Variants in PTPRT observed in about 807,000 individuals in gnomAD.
The protein encoded by PTPRT is receptor-type tyrosine-protein phosphatase T.
In PTPRT, 56 loss-of-function variants were observed where a neutral mutation model predicts 176.8. That is an observed-to-expected ratio of 0.32 (90% CI 0.26 to 0.40). The LOEUF is 0.40. Among genes scored for constraint, PTPRT ranks in the 10% least tolerant of loss-of-function variants. The pLI, the probability that PTPRT is intolerant of heterozygous loss-of-function variation, is 1.00. For synonymous variants in PTPRT, 783 were observed against 739.0 expected (o/e 1.06, Z -0.96); for missense variants, 1,540 against 1,908.2 (o/e 0.81, Z 3.60).
chr20:42,149,738 G>T (rs1192299066), intron 17 of PTPRT, among the ~76,000 whole-genome samples: 1 of 152,186 alleles, frequency 6.6e-6, no homozygotes, highest in Non-Finnish European at 1.5e-5. Flanking sequence ...AACTTTTTAA[G>T]AGGGGTAGGC....
At chr20:42,637,476 C>T (rs2074630968) in intron 7 of PTPRT, among the ~76,000 whole-genome samples, 1 of 152,180 alleles carries the variant, frequency 6.6e-6, no homozygotes, top group Non-Finnish European at 1.5e-5. Context: ...TGCTTGCTCC[C>T]TCAACCCAGA....
chr20:42,909,583 T>C lies in PTPRT; in HGVS notation c.89-23651A>G, dbSNP rs575805105. Among the ~76,000 whole-genome samples the C allele has an allele frequency of 5.3e-5, 8 of 152,308 alleles. 1 individual carries two copies. In the East Asian group the frequency reaches 5.8e-4, roughly 11 times the overall value. ...CAGGGCTTTGAAATTCTCCCACAGA[T>C]ACACAAGAGGGTGTGGCATGTGCCT... On this transcript the variant is annotated intron_variant, in intron 1 of 30. Coordinates refer to ENST00000373187, the MANE Select transcript of PTPRT (RefSeq NM_007050.6).
At position 42,402,863 on chromosome 20, in the gene PTPRT, C is replaced by T. The variant is rs183264310; in HGVS notation, c.1560+45357G>A. Among the ~76,000 whole-genome samples, 13 of 151,878 alleles carry T rather than the reference C, an allele frequency of 8.6e-5. No homozygotes were observed. The South Asian group carries it at 1.5e-3, about 17-fold the overall frequency. On this transcript the variant is annotated intron_variant, in intron 9 of 30. Transcript: ENST00000373187. ...ATGTGTGTGTGTGTGTATACACATG[C>T]GTGTGCTTGTATATGTTCATGCATG...
intron 1 of PTPRT, among the ~76,000 whole-genome samples, chr20:43,134,349 T>C (rs2013754033): frequency 6.6e-6 from 1 of 152,188 alleles, no homozygotes; most frequent in South Asian, 2.1e-4. Context: ...GAAAGAGTGC[T>C]GCTAGGTCAG....
At chr20:42,981,241 T>C (rs1004253377) in intron 1 of PTPRT, among the ~76,000 whole-genome samples, 2 of 152,238 alleles carry the variant, frequency 1.3e-5, no homozygotes, top group African/African-American at 2.4e-5. Flanking sequence ...TTCCTTGAAC[T>C]TCAGGGTCCC....
chr20:43,030,779 A>T (rs904032333), intron 1 of PTPRT, among the ~76,000 whole-genome samples: 2 of 152,072 alleles, frequency 1.3e-5, no homozygotes, highest in African/African-American at 4.8e-5. Context: ...TGGGTTTGGG[A>T]ATCACAAAAA....
intron 2 of PTPRT, among the ~76,000 whole-genome samples, chr20:42,823,492 T>C (rs528285527): frequency 2.6e-5 from 4 of 152,218 alleles, no homozygotes; most frequent in South Asian, 2.1e-4. Flanking sequence ...ATTGTGCACA[T>C]GTATCCCATT....
intron 7 of PTPRT, among the ~76,000 whole-genome samples, chr20:42,634,077 TA>T (rs2074533824): frequency 4.1e-5 from 2 of 48,408 alleles, no homozygotes; most frequent in African/African-American, 9.7e-5. Context: ...ATATATATAA[TA>T]TATATATAAT....
chr20:42,489,335 T>C (rs922242057), intron 7 of PTPRT, among the ~76,000 whole-genome samples: 5 of 152,024 alleles, frequency 3.3e-5, no homozygotes, highest in African/African-American at 1.2e-4. Context: ...TGAGAAGATA[T>C]CACCTGTCAC....
chr20:43,017,468 G>C (rs1026673143), intron 1 of PTPRT, among the ~76,000 whole-genome samples: 12 of 152,074 alleles, frequency 7.9e-5, no homozygotes, highest in African/African-American at 2.7e-4. Context: ...GTGTGTGTTT[G>C]CACACCTTGT....
At chr20:42,844,012 A>C (rs1374099135) in intron 2 of PTPRT, among the ~76,000 whole-genome samples, 2 of 152,226 alleles carry the variant, frequency 1.3e-5, no homozygotes, top group Non-Finnish European at 2.9e-5. Flanking sequence ...AATGAGAAAA[A>C]ACACAAAACT....
intron 15 of PTPRT, among the ~76,000 whole-genome samples, chr20:42,224,328 G>A (rs1417941315): frequency 6.6e-6 from 1 of 152,118 alleles, no homozygotes; most frequent in Non-Finnish European, 1.5e-5. Context: ...ATGTGCTCAG[G>A]GCATTTTTGC....
At chr20:42,182,851 T>C (rs1990576902) in intron 16 of PTPRT, among the ~76,000 whole-genome samples, 1 of 151,726 alleles carries the variant, frequency 6.6e-6, no homozygotes. Flanking sequence ...ATTGCTTCAT[T>C]ACAGAGAGTT....
chr20:43,021,810 G>GA (rs3092422), intron 1 of PTPRT, among the ~76,000 whole-genome samples: 5,789 of 142,682 alleles, frequency 0.041, 269 homozygotes, highest in African/African-American at 0.11. Flanking sequence ...GGAGATACAG[G>GA]AAAAAAAAAA....
At chr20:42,768,019 C>G (rs1384717966) in intron 5 of PTPRT, among the ~76,000 whole-genome samples, 1 of 149,746 alleles carries the variant, frequency 6.7e-6, no homozygotes, top group Non-Finnish European at 1.5e-5. Flanking sequence ...CACACACACA[C>G]ACACACTGCT....
intron 27 of PTPRT, among the ~76,000 whole-genome samples, chr20:42,090,366 A>G (rs569095972): frequency 2.8e-4 from 42 of 151,156 alleles, no homozygotes; most frequent in African/African-American, 9.0e-4. Flanking sequence ...CATCCTAGAT[A>G]TGGGATACTG....
chr20:42,547,703 A>G (rs1158387565), intron 7 of PTPRT, among the ~76,000 whole-genome samples: 3 of 152,042 alleles, frequency 2.0e-5, no homozygotes, highest in Non-Finnish European at 4.4e-5. Context: ...AAGAAAACAC[A>G]AAGGTCCCTA....
chr20:42,045,258 T>C, the PTPRT span, among the ~76,000 whole-genome samples: 1 of 151,442 alleles, frequency 6.6e-6, no homozygotes, highest in African/African-American at 2.4e-5. Flanking sequence ...ATAAAGGAGG[T>C]ACTATTAAAG....
chr20:42,080,791 G>T lies in PTPRT; in HGVS notation c.*88C>A. 7.4e-7 allele frequency: 1 copy of T among 1,358,318 alleles called. No homozygotes were observed. The highest frequency in any genetic ancestry group is 1.0e-6 in the Non-Finnish European group (1 of 956,478). The allele number at this position is 1,358,318 out of a possible 1,614,324, so 84.1% of individuals were successfully genotyped here. A position where few individuals can be genotyped will look rare whatever the true frequency, so the allele number is the denominator to read the frequency against. The stretch of plus-strand genomic sequence containing the variant: ...GAGTCAGGCAGGGTGCCACCTCAGA[G>T]CTCCTGAGCCCAGTTACTGCCATTC... On this transcript the variant is annotated 3_prime_UTR_variant, in exon 31 of 31. Coordinates refer to ENST00000373187, the MANE Select transcript of PTPRT (RefSeq NM_007050.6).
Sources: allele counts gnomAD v4.1 joint callset (sites outside exome capture counted in the v4.1 genomes callset), GRCh38; gene constraint gnomAD v4.1.1; transcripts MANE v1.5; gene names NCBI Gene and HGNC (gene_info 2026-07-23, HGNC 2026-07-21).